The following MDGA1 variants were observed in gnomAD, a reference collection of about 807,000 sequenced individuals.
The protein encoded by MDGA1 is MAM domain-containing glycosylphosphatidylinositol anchor protein 1.
MDGA1 carries 54 observed loss-of-function variants against 101.5 expected under a neutral mutation model. That is an observed-to-expected ratio of 0.53 (90% CI 0.43 to 0.67). The LOEUF is 0.67. Ranked by LOEUF, MDGA1 falls within the 30% of genes least tolerant of loss-of-function variation. The pLI, the probability that MDGA1 is intolerant of heterozygous loss-of-function variation, is 0.00. For synonymous variants in MDGA1, 533 were observed against 558.3 expected (o/e 0.95, Z 0.64); for missense variants, 1,083 against 1,323.8 (o/e 0.82, Z 2.82).
intron 1 of MDGA1, among the ~76,000 whole-genome samples, chr6:37,666,038 G>T (rs184956606): frequency 6.6e-6 from 1 of 151,944 alleles, no homozygotes; most frequent in African/African-American, 2.4e-5. Context: ...CCCATAGAAC[G>T]CAATCCTCTA....
intron 1 of MDGA1, among the ~76,000 whole-genome samples, chr6:37,685,228 A>G (rs1762174055): frequency 6.6e-6 from 1 of 152,064 alleles, no homozygotes; most frequent in South Asian, 2.1e-4. Flanking sequence ...GGAGACGGAG[A>G]ATGCAGTAAG....
At chr6:37,682,871 G>T (rs532988551) in intron 1 of MDGA1, among the ~76,000 whole-genome samples, 1 of 152,330 alleles carries the variant, frequency 6.6e-6, no homozygotes, top group South Asian at 2.1e-4. Context: ...GCTGCTCTGA[G>T]CCGGACTCAT....
intron 8 of MDGA1, chr6:37,649,870 A>ATTTTTTTTT: frequency 1.3e-5 from 8 of 635,376 alleles, no homozygotes; most frequent in South Asian, 5.0e-5. Flanking sequence ...AAATCAAGTA[A>ATTTTTTTTT]TTTTTTTTTT....
intron 14 of MDGA1, among the ~76,000 whole-genome samples, chr6:37,640,818 G>T (rs544169407): frequency 1.3e-5 from 2 of 152,272 alleles, no homozygotes; most frequent in Non-Finnish European, 2.9e-5. Context: ...TAGATCCCAG[G>T]GGAATGGGGA....
At chr6:37,693,755 C>T (rs1762361442) in intron 1 of MDGA1, among the ~76,000 whole-genome samples, 1 of 152,226 alleles carries the variant, frequency 6.6e-6, no homozygotes, top group Admixed American at 6.5e-5. Flanking sequence ...CAGGATCCAC[C>T]CCAGAGGACA....
rs567762769 is a variant in MDGA1 at position 37,696,405 on chromosome 6, C to A, written c.67+340G>T. Among the ~76,000 whole-genome samples the A allele has an allele frequency of 3.9e-5, 6 of 152,318 alleles. No homozygotes were observed. The South Asian group carries it at 1.0e-3, about 26-fold the overall frequency. ...CGGAGGCCGAGCCAGGACGAGGTTT[C>A]GGTGCAAGTCGCTGCACCAGTCCTA... On this transcript the variant is annotated intron_variant, in intron 1 of 16. Coordinates refer to ENST00000434837, the MANE Select transcript of MDGA1 (RefSeq NM_153487.4). This position sits in a 1 kb window ranked among gnomAD's most constrained non-coding sequence, Gnocchi z 5.6.
chr6:37,633,264 G>A lies in MDGA1; in HGVS notation c.*4104C>T, dbSNP rs986158848. 16 of 152,296 alleles carry A rather than the reference G, an allele frequency of 1.1e-4. No individual in the cohort carries two copies. Among genetic ancestry groups the A allele is most frequent in the African/African-American group, 3.4e-4 (14 of 41,368 alleles). The allele number at this position is 152,296 out of a possible 1,614,324, so 9.4% of individuals were successfully genotyped here. A position where few individuals can be genotyped will look rare whatever the true frequency, so the allele number is the denominator to read the frequency against. ...AGACACACACGCACAGCACTGACTC[G>A]ATAGAGAGGCGGGTGCTTCCCGGCC... On this transcript the variant is annotated 3_prime_UTR_variant, in exon 17 of 17. Transcript: ENST00000434837.
intron 1 of MDGA1, among the ~76,000 whole-genome samples, chr6:37,694,589 G>T (rs1192607812): frequency 6.6e-6 from 1 of 152,164 alleles, no homozygotes; most frequent in Non-Finnish European, 1.5e-5. Flanking sequence ...GCCAGTCCTG[G>T]TCCTACAGAG....
At chr6:37,637,551 C>T (rs1763957517) in intron 16 of MDGA1, 92 bp from the exon 17 acceptor site, 26 of 1,096,332 alleles carry the variant, frequency 2.4e-5, no homozygotes, top group Non-Finnish European at 1.4e-6. Flanking sequence ...TGTTACTCTG[C>T]CCACCTCTTT....
At position 37,663,992 on chromosome 6, in the gene MDGA1, A is replaced by G. The variant is rs10947690; in HGVS notation, c.182T>C (p.Leu61Pro). 0.22 allele frequency: 352,843 copies of G among 1,613,632 alleles called. 43,117 individuals are homozygous for G. Among genetic ancestry groups the G allele is most frequent in the Non-Finnish European group, 0.26 (301,312 of 1,179,672 alleles). ...REGDTLMLQC[L>P]VTGHPRPQVR... Reference sequence around the variant, plus strand: ...CTGGGGTCGAGGGTGCCCTGTTACAAGGCACTGCAGCATGAGGGTGTCCCC... The same window carrying G: ...CTGGGGTCGAGGGTGCCCTGTTACAGGGCACTGCAGCATGAGGGTGTCCCC... The change falls in exon 2 of 17, where the codon CTT becomes CCT. Residue 61 changes from leucine to proline, a missense_variant. Physicochemically the swap from Leu to Pro is moderately conservative, Grantham distance 98. Transcript: ENST00000434837.
Position 37,632,963 on chromosome 6 carries a change from G to C in MDGA1, c.*4405C>G, listed in dbSNP as rs1013813436. ...TGAGATGGTGATTATGTGGGTGGCT[G>C]GGAGGATGGCGGGAGGGGGCCAGGA... On this transcript the variant is annotated 3_prime_UTR_variant, in exon 17 of 17. Transcript: ENST00000434837. The C allele has an allele frequency of 1.3e-5, 2 of 152,778 alleles. No homozygotes were observed. The highest frequency in any genetic ancestry group is 2.9e-5 in the Non-Finnish European group (2 of 68,136). The allele number at this position is 152,778 out of a possible 1,614,324, so 9.5% of individuals were successfully genotyped here.
chr6:37,689,260 T>C (rs1762259561), intron 1 of MDGA1, among the ~76,000 whole-genome samples: 1 of 152,224 alleles, frequency 6.6e-6, no homozygotes, highest in Non-Finnish European at 1.5e-5. Context: ...CTGGCAATTT[T>C]ATTCCACCTC....
intron 1 of MDGA1, among the ~76,000 whole-genome samples, chr6:37,668,853 CTCTT>C (rs889432569): frequency 2.0e-5 from 3 of 152,040 alleles, no homozygotes; most frequent in Non-Finnish European, 1.5e-5. Context: ...CTCTCTCTCT[CTCTT>C]TCTTTTTTGA....
At chr6:37,659,904 G>A (rs1761581108) in intron 2 of MDGA1, among the ~76,000 whole-genome samples, 1 of 151,970 alleles carries the variant, frequency 6.6e-6, no homozygotes, top group Non-Finnish European at 1.5e-5. Flanking sequence ...TGTACTTGAT[G>A]TTTTATGTTT....
At chr6:37,668,599 A>T (rs1431302399) in intron 1 of MDGA1, among the ~76,000 whole-genome samples, 1 of 152,272 alleles carries the variant, frequency 6.6e-6, no homozygotes, top group East Asian at 1.9e-4. Context: ...AACTATAGAT[A>T]GACATGACAC....
chr6:37,651,120 G>A lies in MDGA1; in HGVS notation c.1313-715C>T, dbSNP rs190434866. On this transcript the variant is annotated intron_variant, in intron 7 of 16. Transcript: ENST00000434837. Reference sequence around the variant, plus strand: ...CCTGGGGCCCTGAGGACTTGGTGGAGCAGAGCCCCTATACTAGCCCTGACT... The same window carrying A: ...CCTGGGGCCCTGAGGACTTGGTGGAACAGAGCCCCTATACTAGCCCTGACT... 9.8e-4 allele frequency among the ~76,000 whole-genome samples: 149 copies of A among 152,378 alleles called. 3 individuals are homozygous for A. The highest frequency in any genetic ancestry group is 8.8e-5 in the Non-Finnish European group (6 of 68,040).
At chr6:37,645,559 T>C (rs186972504) in intron 12 of MDGA1, among the ~76,000 whole-genome samples, 3 of 152,194 alleles carry the variant, frequency 2.0e-5, no homozygotes, top group Admixed American at 6.5e-5. Flanking sequence ...AGAAATTAAT[T>C]GTATGCCTTT....
At chr6:37,676,090 G>A (rs1325764466) in intron 1 of MDGA1, among the ~76,000 whole-genome samples, 3 of 152,190 alleles carry the variant, frequency 2.0e-5, no homozygotes, top group Admixed American at 1.3e-4. Flanking sequence ...TAGTAGATAC[G>A]CTAGAAGTAC....
Position 37,654,447 on chromosome 6 carries a change from AG to A in MDGA1, c.808del (p.Leu270SerfsTer60), listed in dbSNP as rs1256372607. 6.2e-7 allele frequency: 1 copy of A among 1,613,794 alleles called. No individual in the cohort carries two copies. Among genetic ancestry groups the A allele is most frequent in the Non-Finnish European group, 8.5e-7 (1 of 1,179,880 alleles). ...VQCLLTGGDP[L>X]PQLQWSHGPG... Reference sequence around the variant, plus strand: ...CCCATGGGACCACTGCAGCTGGGGGAGGGGATCACCGCCTGTCAGCAGACAC... The same window carrying A: ...CCCATGGGACCACTGCAGCTGGGGGAGGGATCACCGCCTGTCAGCAGACAC... On this transcript the variant is annotated frameshift_variant, in exon 6 of 17. Coordinates refer to ENST00000434837, the MANE Select transcript of MDGA1 (RefSeq NM_153487.4). LOFTEE classifies it high-confidence loss of function.
Sources: allele counts gnomAD v4.1 joint callset (sites outside exome capture counted in the v4.1 genomes callset), GRCh38; gene constraint gnomAD v4.1.1; non-coding constraint Gnocchi (gnomAD v3.1); transcripts MANE v1.5; gene names NCBI Gene and HGNC (gene_info 2026-07-23, HGNC 2026-07-21).